The following GMDS variants were observed in gnomAD, a reference collection of about 807,000 sequenced individuals.
The protein encoded by GMDS is GDP-mannose 4,6-dehydratase, also known as GDP-mannose 4,6 dehydratase.
GMDS carries 20 observed loss-of-function variants against 49.9 expected under a neutral mutation model. The ratio of observed to expected loss-of-function variants is 0.40; its 90% CI spans 0.28 to 0.58. The LOEUF (loss-of-function observed/expected upper bound fraction) is 0.58. Among genes scored for constraint, GMDS ranks in the 20% least tolerant of loss-of-function variants. The pLI is 0.42. For synonymous variants in GMDS, 177 were observed against 178.6 expected, an observed-to-expected ratio of 0.99 and a Z score of 0.07; for missense variants, 362 against 481.4, an observed-to-expected ratio of 0.75 and a Z score of 2.32.
intron 7 of GMDS, among the ~76,000 whole-genome samples, chr6:1,870,359 T>C (rs1370542031): frequency 1.3e-5 from 2 of 152,178 alleles, no homozygotes; most frequent in African/African-American, 2.4e-5. Flanking sequence ...ATCCAGCTTG[T>C]ACTTTCAGCA....
intron 4 of GMDS, among the ~76,000 whole-genome samples, chr6:2,101,961 C>T (rs949469246): frequency 3.3e-5 from 5 of 152,054 alleles, no homozygotes; most frequent in African/African-American, 9.7e-5. Flanking sequence ...CAACAGTGTG[C>T]GCTCTAGTTT....
chr6:2,076,829 A>G (rs1435196054), intron 4 of GMDS, among the ~76,000 whole-genome samples: 1 of 152,228 alleles, frequency 6.6e-6, no homozygotes, highest in East Asian at 1.9e-4. Flanking sequence ...CCTAGGCAAT[A>G]CCATTCAGGA....
At chr6:1,654,050 A>G (rs1254919716) in intron 9 of GMDS, among the ~76,000 whole-genome samples, 3 of 152,302 alleles carry the variant, frequency 2.0e-5, no homozygotes, top group African/African-American at 7.2e-5. Context: ...CAAAACCACC[A>G]TGAGATACCA....
At chr6:2,022,042 T>C (rs1252846440) in intron 4 of GMDS, among the ~76,000 whole-genome samples, 3 of 152,212 alleles carry the variant, frequency 2.0e-5, no homozygotes, top group Non-Finnish European at 2.9e-5. Context: ...GGAATGCTTT[T>C]CATTGAAGCC....
intron 7 of GMDS, among the ~76,000 whole-genome samples, chr6:1,876,101 TA>T (rs200432725): frequency 0.012 from 1,827 of 149,668 alleles, 38 homozygotes; most frequent in African/African-American, 0.044. Flanking sequence ...AAAATTATGT[TA>T]AAAAAATTGG....
chr6:1,802,384 A>G (rs1176313908), intron 7 of GMDS, among the ~76,000 whole-genome samples: 2 of 152,244 alleles, frequency 1.3e-5, no homozygotes, highest in East Asian at 3.8e-4. Flanking sequence ...AGCATTTTCT[A>G]TAATAGGCAT....
chr6:1,888,140 T>A (rs550040392), intron 7 of GMDS, among the ~76,000 whole-genome samples: 2,519 of 142,666 alleles, frequency 0.018, 50 homozygotes, highest in African/African-American at 0.047. Flanking sequence ...TATTATTTTT[T>A]TTTTTTTTTT....
chr6:2,124,992 A>G (rs1266911415), intron 1 of GMDS, among the ~76,000 whole-genome samples: 1 of 152,254 alleles, frequency 6.6e-6, no homozygotes, highest in Non-Finnish European at 1.5e-5. Flanking sequence ...ATATGCATCA[A>G]CAGACAGCAT....
intron 4 of GMDS, among the ~76,000 whole-genome samples, chr6:2,067,150 G>C: frequency 6.6e-6 from 1 of 151,276 alleles, no homozygotes; most frequent in Non-Finnish European, 1.5e-5. Flanking sequence ...TGAACAACCT[G>C]CTCCTGAATG....
chr6:1,986,626 T>C (rs1428561804), intron 4 of GMDS, among the ~76,000 whole-genome samples: 2 of 152,174 alleles, frequency 1.3e-5, no homozygotes, highest in East Asian at 3.8e-4. Flanking sequence ...CACTACAGTA[T>C]GAAAATGAAA....
At chr6:2,068,551 A>C (rs12181143) in intron 4 of GMDS, among the ~76,000 whole-genome samples, 11,389 of 152,028 alleles carry the variant, frequency 0.075, 1,436 homozygotes, top group African/African-American at 0.26. Context: ...TTAAGCTGAT[A>C]AGCAACTTCA....
At chr6:1,797,720 G>T (rs1450523112) in intron 7 of GMDS, among the ~76,000 whole-genome samples, 1 of 152,010 alleles carries the variant, frequency 6.6e-6, no homozygotes, top group Admixed American at 6.5e-5. Context: ...TAGGATGTGT[G>T]GCAGAGCCGG....
intron 4 of GMDS, among the ~76,000 whole-genome samples, chr6:2,056,547 T>G (rs1202522395): frequency 6.6e-6 from 1 of 152,176 alleles, no homozygotes; most frequent in Non-Finnish European, 1.5e-5. Context: ...ATTACAAATT[T>G]CAACACAAGA....
intron 1 of GMDS, among the ~76,000 whole-genome samples, chr6:2,161,298 C>G (rs1777389123): frequency 6.6e-6 from 1 of 152,184 alleles, no homozygotes; most frequent in Admixed American, 6.5e-5. Flanking sequence ...CGTGAGCCAC[C>G]ACACCCGGCC....
chr6:1,806,655 T>C (rs777754536), intron 7 of GMDS, among the ~76,000 whole-genome samples: 15 of 152,226 alleles, frequency 9.9e-5, no homozygotes, highest in Non-Finnish European at 1.3e-4. Flanking sequence ...TGAATTTGTC[T>C]AGGTTAGAAT....
chr6:1,719,975 A>G (rs1451097965), intron 9 of GMDS, among the ~76,000 whole-genome samples: 2 of 152,250 alleles, frequency 1.3e-5, no homozygotes, highest in Non-Finnish European at 2.9e-5. Flanking sequence ...TGTTGCAGGA[A>G]TTCCTCACGG....
intron 7 of GMDS, among the ~76,000 whole-genome samples, chr6:1,791,117 C>T (rs1220096866): frequency 6.6e-6 from 1 of 152,130 alleles, no homozygotes; most frequent in Non-Finnish European, 1.5e-5. Flanking sequence ...CTGGAAAAGG[C>T]AAGGAAACAG....
chr6:1,999,493 C>T (rs929871123), intron 4 of GMDS, among the ~76,000 whole-genome samples: 1 of 151,780 alleles, frequency 6.6e-6, no homozygotes, highest in Non-Finnish European at 1.5e-5. Context: ...ACAAGATTTC[C>T]TTTGATCCTT....
At chr6:2,088,828 T>G (rs953508935) in intron 4 of GMDS, among the ~76,000 whole-genome samples, 1 of 152,050 alleles carries the variant, frequency 6.6e-6, no homozygotes, top group African/African-American at 2.4e-5. Flanking sequence ...GTATTGGGGA[T>G]ACACTGAGAA....
Sources: gnomAD v4.1 joint callset for allele counts (sites outside exome capture counted in the v4.1 genomes callset) on GRCh38, gnomAD v4.1.1 for gene constraint, MANE v1.5 for transcripts, NCBI Gene and HGNC (gene_info 2026-07-23, HGNC 2026-07-21) for gene names.